KDM5D: variants seen among roughly 807,000 people sequenced by gnomAD.
The protein encoded by KDM5D is lysine demethylase 5D, also known as lysine-specific demethylase 5D.
KDM5D carries 25 observed loss-of-function variants against 31.9 expected under a neutral mutation model. The observed-to-expected ratio is 0.78, with a 90% CI of 0.57 to 1.09. KDM5D has a LOEUF of 1.09. Ranked by LOEUF, KDM5D falls within the 50% of genes least tolerant of loss-of-function variation. The pLI, the probability that KDM5D is intolerant of heterozygous loss-of-function variation, is 0.00. For missense variants in KDM5D, 366 were observed against 341.6 expected (o/e 1.07, Z -0.56); for synonymous variants, 146 against 122.3 (o/e 1.19, Z -1.28).
intron 20 of KDM5D, among the ~76,000 whole-genome samples, 155 bp downstream of exon 20, chrY:19,709,295 GA>G (rs2045276279): frequency 3.0e-5 from 1 of 33,522 alleles, no homozygotes; most frequent in African/African-American, 1.2e-4. Context: ...ATGTCATATA[GA>G]TGGGAGTACA....
At chrY:19,732,455 T>C in intron 9 of KDM5D, 129 bp downstream of exon 9, 1 of 174,940 alleles carries the variant, frequency 5.7e-6, no homozygotes, top group Non-Finnish European at 9.8e-6. Context: ...AGCTCACTGA[T>C]AGCTTAATCA....
Position 19,708,936 on chromosome Y carries a change from T to C in KDM5D, c.3020A>G (p.Gln1007Arg). Residue 1007 changes from glutamine to arginine, a missense_variant, in exon 21 of 27, where the codon CAG becomes CGG. Transcript: ENST00000317961. ...CTTAGTCAGAGCTTCTTTGAGAGCC[T>C]GGATGTTAGGCAGGTGAACAGGGAT... ...ENIPVHLPNI[Q>R]ALKEALTKAQ... The C allele has an allele frequency of 2.5e-6, 1 of 397,240 alleles. No homozygotes were observed.
Position 19,716,022 on chromosome Y carries a change from A to G in KDM5D, c.2032-18T>C. On this transcript the variant is annotated intron_variant, in intron 15 of 26. Coordinates refer to ENST00000317961, the MANE Select transcript of KDM5D (RefSeq NM_004653.5). ...GTGACGCCCTGGGGGTGTTCAACCC[A>G]CATATACTGTAAAGACTAGGAGTAG... The G allele has an allele frequency of 2.6e-6, 1 of 391,917 alleles. No individual in the cohort carries two copies. Among genetic ancestry groups the G allele is most frequent in the Non-Finnish European group, 3.6e-6 (1 of 277,614 alleles).
At chrY:19,719,682 T>C in intron 13 of KDM5D, among the ~76,000 whole-genome samples, 1 of 32,620 alleles carries the variant, frequency 3.1e-5, no homozygotes. Flanking sequence ...GCCCTGAAAG[T>C]CTACAACCAA....
Position 19,721,138 on chromosome Y carries a change from A to G in KDM5D, c.1545T>C (p.Tyr515=). The change falls in exon 12 of 27, where the codon TAT becomes TAC. Residue 515 remains tyrosine, a synonymous_variant. Transcript: ENST00000317961. The part of the protein sequence containing the change: ...IEDHWSYSIN[Y]LHWGEPKTWY... ...ATTGGGGTCATGCTCACCAATGCAG[A>G]TAGTTAATAGAGTAACTCCAGTGAT... The G allele has an allele frequency of 2.5e-6, 1 of 398,524 alleles. No individual in the cohort carries two copies. Among genetic ancestry groups the G allele is most frequent in the Non-Finnish European group, 3.5e-6 (1 of 283,168 alleles).
rs2045218605 is a variant in KDM5D at position 19,705,042 on chromosome Y, G to GT, written c.*952dup. 3.0e-5 allele frequency: 1 copy of GT among 33,747 alleles called. No homozygotes were observed. The highest frequency in any genetic ancestry group is 7.4e-5 in the Non-Finnish European group (1 of 13,600). 8.4% of individuals were successfully genotyped at this position (33,747 alleles called of 400,897 possible). ...GTGAGATGAATCTGTCTACCCTGATGTAAGACTTATTATAAAGCGACTGTA... is the reference window on the plus strand; with the variant it reads ...GTGAGATGAATCTGTCTACCCTGATGTTAAGACTTATTATAAAGCGACTGTA... On this transcript the variant is annotated 3_prime_UTR_variant, in exon 27 of 27. Coordinates refer to ENST00000317961, the MANE Select transcript of KDM5D (RefSeq NM_004653.5).
At chrY:19,744,281 AG>A (rs2045581129) in intron 2 of KDM5D, 103 bp downstream of exon 2, 1 of 207,220 alleles carries the variant, frequency 4.8e-6, no homozygotes, top group African/African-American at 8.2e-5. Context: ...TTTGGTGCTA[AG>A]GGTTTCTGGT....
At chrY:19,729,411 CTAAT>C (rs2045457286) in intron 11 of KDM5D, among the ~76,000 whole-genome samples, 1 of 31,575 alleles carries the variant, frequency 3.2e-5, no homozygotes, top group Non-Finnish European at 7.7e-5. Context: ...TGAAAATTAA[CTAAT>C]TAAAAAATAA....
chrY:19,705,422 T>C lies in KDM5D; in HGVS notation c.*573A>G. 1 of 34,289 alleles carries C rather than the reference T, an allele frequency of 2.9e-5. No homozygotes were observed. Among genetic ancestry groups the C allele is most frequent in the Non-Finnish European group, 7.2e-5 (1 of 13,862 alleles). The allele number at this position is 34,289 out of a possible 400,897, so 8.6% of individuals were successfully genotyped here. On this transcript the variant is annotated 3_prime_UTR_variant, in exon 27 of 27. Coordinates refer to ENST00000317961, the MANE Select transcript of KDM5D (RefSeq NM_004653.5). Reference sequence around the variant, plus strand: ...TAAGAAGTTCAAATCATATTCATAGTATCCAAACATACTCATTGTTTTATT... The same window carrying C: ...TAAGAAGTTCAAATCATATTCATAGCATCCAAACATACTCATTGTTTTATT...
chrY:19,743,732 AAT>A (rs2045576085), intron 2 of KDM5D, among the ~76,000 whole-genome samples: 1 of 34,069 alleles, frequency 2.9e-5, no homozygotes, highest in Admixed American at 2.7e-4. Context: ...AGCCTGGTTC[AAT>A]ATATGAGAAA....
chrY:19,730,236 T>G, intron 11 of KDM5D, among the ~76,000 whole-genome samples: 1 of 33,651 alleles, frequency 3.0e-5, no homozygotes, highest in Non-Finnish European at 7.4e-5. Context: ...TACATACATA[T>G]GTAATCAAAC....
At chrY:19,715,244 C>T in intron 18 of KDM5D, 108 bp downstream of exon 18, 1 of 258,598 alleles carries the variant, frequency 3.9e-6, no homozygotes, top group Non-Finnish European at 6.1e-6. Flanking sequence ...TGGGTTCAAA[C>T]AATTCTCCTG....
chrY:19,734,115 G>A, intron 8 of KDM5D, among the ~76,000 whole-genome samples: 1 of 33,403 alleles, frequency 3.0e-5, no homozygotes, highest in East Asian at 7.9e-4. Flanking sequence ...TGATAAACTC[G>A]TCAATCATTT....
chrY:19,723,594 G>A, intron 11 of KDM5D, among the ~76,000 whole-genome samples: 1 of 33,800 alleles, frequency 3.0e-5, no homozygotes, highest in African/African-American at 1.2e-4. Flanking sequence ...GAAGTTCTAG[G>A]CTGCAATAAG....
In KDM5D at chrY:19,744,679, A is replaced by C; in HGVS notation, c.-28T>G. The C allele has an allele frequency of 6.6e-6, 1 of 152,361 alleles. No individual in the cohort carries two copies. The highest frequency in any genetic ancestry group is 1.2e-5 in the Non-Finnish European group (1 of 83,757). 38.0% of individuals were successfully genotyped at this position (152,361 alleles called of 400,897 possible). A position where few individuals can be genotyped will look rare whatever the true frequency, so the allele number is the denominator to read the frequency against. On this transcript the variant is annotated 5_prime_UTR_variant, in exon 1 of 27. Transcript: ENST00000317961. ...ATCCCGTAGCTGCTTACCAATCGTC[A>C]GGGATCCTAGTTTTACAGCCACCAT...
Position 19,705,711 on chromosome Y carries a change from C to T in KDM5D, c.*284G>A. On this transcript the variant is annotated 3_prime_UTR_variant, in exon 27 of 27. Coordinates refer to ENST00000317961, the MANE Select transcript of KDM5D (RefSeq NM_004653.5). ...GCAAAAATAAAGGTACGCACTTGGG[C>T]TTCCTCAAGATTTGTTTGTCCCTAT... The T allele has an allele frequency of 1.3e-5, 1 of 75,608 alleles. No individual in the cohort carries two copies. The highest frequency in any genetic ancestry group is 2.6e-5 in the Non-Finnish European group (1 of 38,165). 18.9% of individuals were successfully genotyped at this position (75,608 alleles called of 400,897 possible).
At chrY:19,715,299 T>C in intron 18 of KDM5D, 53 bp downstream of exon 18, 1 of 351,073 alleles carries the variant, frequency 2.8e-6, no homozygotes, top group Non-Finnish European at 4.1e-6. Context: ...TATCCATTTT[T>C]GTTATTCATT....
intron 11 of KDM5D, among the ~76,000 whole-genome samples, chrY:19,727,152 C>A (rs2045440042): frequency 3.0e-5 from 1 of 33,397 alleles, no homozygotes; most frequent in African/African-American, 1.2e-4. Flanking sequence ...GATGACAATT[C>A]GGGTCAACCA....
At chrY:19,714,222 T>C (rs2045318278) in intron 18 of KDM5D, among the ~76,000 whole-genome samples, 1 of 32,905 alleles carries the variant, frequency 3.0e-5, no homozygotes, top group Admixed American at 2.7e-4. Context: ...AATACCTGGG[T>C]GATAAAACCC....
Sources: gnomAD v4.1 joint callset for allele counts (sites outside exome capture counted in the v4.1 genomes callset) on GRCh38, gnomAD v4.1.1 for gene constraint, MANE v1.5 for transcripts, NCBI Gene and HGNC (gene_info 2026-07-23, HGNC 2026-07-21) for gene names.